The following CCDC141 variants were observed in gnomAD, a reference collection of about 807,000 sequenced individuals.
CCDC141 encodes the protein coiled-coil domain-containing protein 141.
In CCDC141, 168 loss-of-function variants were observed where a neutral mutation model predicts 181.0. The ratio of observed to expected loss-of-function variants is 0.93; its 90% CI spans 0.82 to 1.05. The LOEUF (loss-of-function observed/expected upper bound fraction) is 1.05. Among genes scored for constraint, CCDC141 ranks in the 50% least tolerant of loss-of-function variants. The pLI is 0.00. For synonymous variants in CCDC141, 666 were observed against 642.3 expected, an observed-to-expected ratio of 1.04 and a Z score of -0.56; for missense variants, 1,902 against 1,788.5, an observed-to-expected ratio of 1.06 and a Z score of -1.14.
intron 4 of CCDC141, 137 bp from the exon 5 acceptor site, chr2:178,961,620 T>A (rs1690406371): frequency 2.6e-6 from 2 of 782,338 alleles, no homozygotes; most frequent in African/African-American, 3.5e-5. Context: ...GGAATTAAAA[T>A]ATGTAAACAG....
chr2:179,015,067 G>GATATATATATATATATATAT (rs1177070237), intron 2 of CCDC141, among the ~76,000 whole-genome samples: 4 of 39,592 alleles, frequency 1.0e-4, no homozygotes, highest in Non-Finnish European at 1.3e-4. Context: ...GAGAGACAGA[G>GATATATATATATATATATAT]ATATATATAT....
Position 178,830,157 on chromosome 2 carries a change from G to A in CCDC141, c.*4016C>T, listed in dbSNP as rs140620251. The A allele has an allele frequency of 3.3e-5, 5 of 152,308 alleles. 1 individual carries two copies. Among genetic ancestry groups the A allele is most frequent in the East Asian group, 1.9e-4 (1 of 5,190 alleles). The allele number at this position is 152,308 out of a possible 1,614,324, so 9.4% of individuals were successfully genotyped here. The stretch of plus-strand genomic sequence containing the variant: ...GTGGAGGCATCCAGTTCCTCATACC[G>A]GATGATGATTTATGCCTAAGTACAT... On this transcript the variant is annotated 3_prime_UTR_variant, in exon 24 of 24. Transcript: ENST00000443758.
intron 2 of CCDC141, among the ~76,000 whole-genome samples, chr2:179,007,855 A>G (rs1243018389): frequency 6.6e-6 from 1 of 152,214 alleles, no homozygotes; most frequent in African/African-American, 2.4e-5. Flanking sequence ...TATTTAATAT[A>G]TGTCTGAATT....
intron 8 of CCDC141, among the ~76,000 whole-genome samples, chr2:178,892,577 AC>A (rs779046992): frequency 3.1e-4 from 47 of 152,196 alleles, no homozygotes; most frequent in Non-Finnish European, 2.2e-4. Context: ...TCCATTAGAA[AC>A]TTTATACGAT....
At position 178,959,033 on chromosome 2, in the gene CCDC141, C is replaced by T. The variant is rs1559007513; in HGVS notation, c.780+2197G>A. 2.6e-5 allele frequency among the ~76,000 whole-genome samples: 4 copies of T among 151,714 alleles called. No homozygotes were observed. The South Asian group carries it at 8.3e-4, about 31-fold the overall frequency. ...AGGAAGGGGCTTGGGGTTGTAAAAACGTCGCAAGGACAAAAAACCAAACAC... is the reference window on the plus strand; with the variant it reads ...AGGAAGGGGCTTGGGGTTGTAAAAATGTCGCAAGGACAAAAAACCAAACAC... On this transcript the variant is annotated intron_variant, in intron 5 of 23. Transcript: ENST00000443758.
intron 6 of CCDC141, among the ~76,000 whole-genome samples, chr2:178,933,703 A>G (rs1342085124): frequency 6.6e-6 from 1 of 152,176 alleles, no homozygotes; most frequent in Admixed American, 6.6e-5. Context: ...AATGCAAATC[A>G]GTTGAAGCTA....
chr2:179,009,489 G>A (rs1329337938), intron 2 of CCDC141, among the ~76,000 whole-genome samples: 1 of 151,924 alleles, frequency 6.6e-6, no homozygotes, highest in East Asian at 1.9e-4. Context: ...CTTTTCCTAT[G>A]GATGTGGCTT....
chr2:178,967,566 G>C (rs1575279324), intron 4 of CCDC141, among the ~76,000 whole-genome samples: 1 of 152,188 alleles, frequency 6.6e-6, no homozygotes, highest in Non-Finnish European at 1.5e-5. Flanking sequence ...CACCAGGCCT[G>C]CCTTACAAGA....
chr2:178,976,596 G>A (rs1691134425), intron 3 of CCDC141, among the ~76,000 whole-genome samples: 1 of 152,134 alleles, frequency 6.6e-6, no homozygotes, highest in Admixed American at 6.5e-5. Flanking sequence ...TGTTCGAGGT[G>A]AGAATAACCC....
In CCDC141 at chr2:178,886,846, C is replaced by A; in HGVS notation, c.1433G>T (p.Ser478Ile). Residue 478 changes from serine to isoleucine, a missense_variant, in exon 10 of 24, where the codon AGT becomes ATT. Coordinates refer to ENST00000443758, the MANE Select transcript of CCDC141 (RefSeq NM_173648.4). ...RKVEMSIQKISPVLSNAMDVG... is the reference protein window; with the variant it reads ...RKVEMSIQKIIPVLSNAMDVG... ...ATCCATTGCATTAGAAAGTACTGGA[C>A]TGATTTTCTGAATTGACATTTCCAC... The A allele has an allele frequency of 2.1e-6, 3 of 1,431,706 alleles. No homozygotes were observed. The highest frequency in any genetic ancestry group is 2.7e-6 in the Non-Finnish European group (3 of 1,094,136). The allele number at this position is 1,431,706 out of a possible 1,614,324, so 88.7% of individuals were successfully genotyped here.
At chr2:178,955,409 A>G (rs1690118610) in intron 5 of CCDC141, among the ~76,000 whole-genome samples, 1 of 152,192 alleles carries the variant, frequency 6.6e-6, no homozygotes, top group South Asian at 2.1e-4. Context: ...TATAATTATC[A>G]ACAGAGTAAG....
At chr2:178,960,152 A>T (rs1690334515) in intron 5 of CCDC141, among the ~76,000 whole-genome samples, 1 of 152,194 alleles carries the variant, frequency 6.6e-6, no homozygotes, top group South Asian at 2.1e-4. Flanking sequence ...ACTTAGCACC[A>T]AATGCCAATA....
intron 17 of CCDC141, among the ~76,000 whole-genome samples, chr2:178,862,117 C>T (rs1685646585): frequency 6.6e-6 from 1 of 152,164 alleles, no homozygotes; most frequent in African/African-American, 2.4e-5. Flanking sequence ...ATCCCTGTAA[C>T]TCATTTGACT....
chr2:178,989,599 A>AT (rs1238050146), intron 2 of CCDC141, among the ~76,000 whole-genome samples: 31 of 134,118 alleles, frequency 2.3e-4, no homozygotes, highest in African/African-American at 3.2e-4. Flanking sequence ...GCCTCAAAAA[A>AT]AAAAAAAAAT....
At chr2:179,006,350 A>G (rs1197948988) in intron 2 of CCDC141, among the ~76,000 whole-genome samples, 1 of 152,182 alleles carries the variant, frequency 6.6e-6, no homozygotes, top group Non-Finnish European at 1.5e-5. Flanking sequence ...ACTATGTAAG[A>G]TGTTGGTAGA....
chr2:178,855,025 G>A (rs1454191605), intron 19 of CCDC141, among the ~76,000 whole-genome samples: 1 of 152,138 alleles, frequency 6.6e-6, no homozygotes. Context: ...CAGATATCCA[G>A]CAGTGAACAT....
intron 2 of CCDC141, among the ~76,000 whole-genome samples, chr2:179,037,784 A>C (rs2043185222): frequency 6.6e-6 from 1 of 152,224 alleles, no homozygotes; most frequent in Admixed American, 6.5e-5. Context: ...ATACAAATTA[A>C]AACCACAATA....
intron 12 of CCDC141, chr2:178,874,725 A>G (rs1296277670): frequency 6.6e-6 from 1 of 152,252 alleles, no homozygotes. Context: ...GAGCTCACCT[A>G]TCATCCCAGG....
intron 2 of CCDC141, among the ~76,000 whole-genome samples, chr2:179,004,947 G>A (rs1379172209): frequency 6.6e-6 from 1 of 152,114 alleles, no homozygotes; most frequent in East Asian, 1.9e-4. Flanking sequence ...GGCCAGGCTG[G>A]TTTTGAACTC....
Sources: gnomAD v4.1 joint callset for allele counts (sites outside exome capture counted in the v4.1 genomes callset) on GRCh38, gnomAD v4.1.1 for gene constraint, MANE v1.5 for transcripts, NCBI Gene and HGNC (gene_info 2026-07-23, HGNC 2026-07-21) for gene names.